Variants in CAMK1D observed in about 807,000 individuals in gnomAD.
The protein encoded by CAMK1D is calcium/calmodulin-dependent protein kinase type 1D.
CAMK1D carries 9 observed loss-of-function variants against 47.7 expected under a neutral mutation model. That is an observed-to-expected ratio of 0.19 (90% confidence interval 0.11 to 0.33). The LOEUF (loss-of-function observed/expected upper bound fraction) is 0.33, where lower values mean the gene tolerates loss of function less well. Ranked by LOEUF, CAMK1D falls within the 10% of genes least tolerant of loss-of-function variation. The pLI is 1.00. For synonymous variants in CAMK1D, 184 were observed against 184.9 expected (o/e 0.99, Z 0.04); for missense variants, 291 against 488.7 (o/e 0.60, Z 3.81).
At chr10:12,390,591 C>T (rs983886358) in intron 1 of CAMK1D, among the ~76,000 whole-genome samples, 6 of 152,158 alleles carry the variant, frequency 3.9e-5, no homozygotes, top group African/African-American at 1.2e-4. Flanking sequence ...GTCCATTGTG[C>T]CCAGGCAAAA....
At chr10:12,748,239 T>A (rs1445672738) in intron 3 of CAMK1D, among the ~76,000 whole-genome samples, 1 of 152,220 alleles carries the variant, frequency 6.6e-6, no homozygotes, top group Admixed American at 6.5e-5. Context: ...TCTTTCAGAA[T>A]AGTCTCAATA....
At chr10:12,773,903 C>CA (rs899336140) in intron 5 of CAMK1D, among the ~76,000 whole-genome samples, 2 of 151,664 alleles carry the variant, frequency 1.3e-5, no homozygotes, top group African/African-American at 2.4e-5. Flanking sequence ...ATCTCAAAAA[C>CA]AAAAAAATGA....
intron 8 of CAMK1D, among the ~76,000 whole-genome samples, chr10:12,816,650 C>G (rs909601114): frequency 2.6e-5 from 4 of 151,886 alleles, no homozygotes; most frequent in South Asian, 2.1e-4. Flanking sequence ...GTGGGTGGAT[C>G]ACAAGGTCAG....
chr10:12,648,011 A>G (rs1429545008), intron 2 of CAMK1D, among the ~76,000 whole-genome samples: 1 of 152,262 alleles, frequency 6.6e-6, no homozygotes, highest in Non-Finnish European at 1.5e-5. Flanking sequence ...AGCATCGAGG[A>G]GGCCACTCTT....
At chr10:12,447,448 T>A (rs1832955108) in intron 1 of CAMK1D, among the ~76,000 whole-genome samples, 1 of 152,162 alleles carries the variant, frequency 6.6e-6, no homozygotes, top group Non-Finnish European at 1.5e-5. Flanking sequence ...ATGCCTGTAA[T>A]CCCAACACTT....
chr10:12,418,185 A>C (rs756271977), intron 1 of CAMK1D, among the ~76,000 whole-genome samples: 2 of 152,186 alleles, frequency 1.3e-5, no homozygotes, highest in Non-Finnish European at 2.9e-5. Flanking sequence ...GTGGGAGGAG[A>C]ATGAATTACT....
chr10:12,627,562 C>G (rs146589107), intron 2 of CAMK1D, among the ~76,000 whole-genome samples: 1 of 152,272 alleles, frequency 6.6e-6, no homozygotes, highest in South Asian at 2.1e-4. Context: ...ACCCACTGTC[C>G]TGTACAACCA....
At chr10:12,461,996 TTA>T (rs57342016) in intron 1 of CAMK1D, among the ~76,000 whole-genome samples, 116,969 of 151,722 alleles carry the variant, frequency 0.77, 45,282 homozygotes, top group East Asian at 0.97. Flanking sequence ...TTCTTACGTC[TTA>T]TATACCAAGA....
intron 1 of CAMK1D, among the ~76,000 whole-genome samples, chr10:12,448,808 A>G (rs1045669688): frequency 2.0e-5 from 3 of 152,206 alleles, no homozygotes; most frequent in Non-Finnish European, 4.4e-5. Context: ...ATGAAATGTG[A>G]CTATCCGGAA....
intron 3 of CAMK1D, among the ~76,000 whole-genome samples, chr10:12,681,503 C>G (rs1018765414): frequency 6.6e-6 from 1 of 152,264 alleles, no homozygotes; most frequent in African/African-American, 2.4e-5. Context: ...ACCACATTGT[C>G]GGATGAGTGG....
At chr10:12,793,209 T>C (rs905309724) in intron 6 of CAMK1D, among the ~76,000 whole-genome samples, 55 of 152,348 alleles carry the variant, frequency 3.6e-4, no homozygotes, top group African/African-American at 1.2e-3. Context: ...ATCAGTCATC[T>C]AGAGAAACCT....
Position 12,795,191 on chromosome 10 carries a change from G to A in CAMK1D, c.641+3958G>A, listed in dbSNP as rs183381173. Among the ~76,000 whole-genome samples, 157 of 152,260 alleles carry A rather than the reference G, an allele frequency of 1.0e-3. 8 individuals carry two copies. In the East Asian group the frequency reaches 0.022, roughly 21 times the overall value. On this transcript the variant is annotated intron_variant, in intron 6 of 10. Coordinates refer to ENST00000619168, the MANE Select transcript of CAMK1D (RefSeq NM_153498.4). Reference sequence around the variant, plus strand: ...AGGTTGGATAAGCAGAGAGATAAGAGCATCAGACAGGACAGGGGAGGGAGG... The same window carrying A: ...AGGTTGGATAAGCAGAGAGATAAGAACATCAGACAGGACAGGGGAGGGAGG...
chr10:12,726,755 A>C (rs765056121), intron 3 of CAMK1D, among the ~76,000 whole-genome samples: 7 of 152,240 alleles, frequency 4.6e-5, no homozygotes, highest in Non-Finnish European at 1.0e-4. Context: ...GATTTGCTCA[A>C]ACGTCTTCCA....
intron 3 of CAMK1D, among the ~76,000 whole-genome samples, chr10:12,702,541 T>C (rs994759244): frequency 2.6e-5 from 4 of 152,218 alleles, no homozygotes; most frequent in African/African-American, 9.6e-5. Flanking sequence ...TAACAGTAGC[T>C]AACTTTTCCT....
intron 2 of CAMK1D, among the ~76,000 whole-genome samples, chr10:12,654,710 C>CTTAAA (rs1840070886): frequency 6.6e-6 from 1 of 152,176 alleles, no homozygotes; most frequent in Admixed American, 6.5e-5. Flanking sequence ...CACCCTGGAT[C>CTTAAA]TTAACCTTTA....
chr10:12,463,116 A>C (rs1833485041), intron 1 of CAMK1D, among the ~76,000 whole-genome samples: 1 of 151,844 alleles, frequency 6.6e-6, no homozygotes, highest in African/African-American at 2.4e-5. Flanking sequence ...AGAGAATGAA[A>C]ATAAGCTCTA....
intron 1 of CAMK1D, among the ~76,000 whole-genome samples, chr10:12,483,009 T>G (rs545149392): frequency 4.6e-5 from 7 of 152,204 alleles, no homozygotes; most frequent in Admixed American, 4.6e-4. Flanking sequence ...AGAGATAATA[T>G]GGTTAGAAAA....
intron 5 of CAMK1D, among the ~76,000 whole-genome samples, chr10:12,777,314 A>G (rs116440251): frequency 6.6e-6 from 1 of 151,054 alleles, no homozygotes; most frequent in South Asian, 2.1e-4. Flanking sequence ...AGAAGTTATC[A>G]CATGTCAGTT....
chr10:12,392,625 A>G (rs1482694281), intron 1 of CAMK1D, among the ~76,000 whole-genome samples: 3 of 152,212 alleles, frequency 2.0e-5, no homozygotes, highest in Admixed American at 2.0e-4. Context: ...TAGTTAATAT[A>G]TGTATTACTT....
Sources: allele counts gnomAD v4.1 joint callset (sites outside exome capture counted in the v4.1 genomes callset), GRCh38; gene constraint gnomAD v4.1.1; transcripts MANE v1.5; gene names NCBI Gene and HGNC (gene_info 2026-07-23, HGNC 2026-07-21).